LINC00305: variants seen among roughly 807,000 people sequenced by gnomAD.
LINC00305 encodes long intergenic non-protein coding RNA 305.
intron 1 of LINC00305, among the ~76,000 whole-genome samples, chr18:64,122,231 G>A (rs1211573279): frequency 6.6e-6 from 1 of 151,928 alleles, no homozygotes; most frequent in African/African-American, 2.4e-5. Flanking sequence ...TGGTGCTTTG[G>A]GGGTCTTAGT....
At chr18:64,087,266 T>C (rs1014651718) in intron 3 of LINC00305, among the ~76,000 whole-genome samples, 1 of 152,112 alleles carries the variant, frequency 6.6e-6, no homozygotes, top group African/African-American at 2.4e-5. Context: ...AGCTAAAAAA[T>C]GGGGTTTGAT....
At chr18:64,081,013 G>A (rs1230674161) in intron 3 of LINC00305, among the ~76,000 whole-genome samples, 1 of 152,120 alleles carries the variant, frequency 6.6e-6, no homozygotes, top group Non-Finnish European at 1.5e-5. Context: ...AATTATCTGT[G>A]TGTGTCTGTG....
intron 1 of LINC00305, among the ~76,000 whole-genome samples, chr18:64,109,897 G>T (rs973913737): frequency 5.3e-5 from 8 of 152,210 alleles, no homozygotes; most frequent in Non-Finnish European, 8.8e-5. Context: ...CCTGTGGGCC[G>T]CACGTGGCCC....
intron 1 of LINC00305, among the ~76,000 whole-genome samples, chr18:64,113,294 C>G (rs922777407): frequency 6.6e-6 from 1 of 152,148 alleles, no homozygotes; most frequent in Non-Finnish European, 1.5e-5. Flanking sequence ...AAATAAAAAC[C>G]TAGCAGATAA....
At chr18:64,120,543 G>A (rs1422559238) in intron 1 of LINC00305, among the ~76,000 whole-genome samples, 2 of 147,554 alleles carry the variant, frequency 1.4e-5, no homozygotes, top group South Asian at 2.1e-4. Context: ...TATTTGTTTT[G>A]GCGCTAACTT....
intron 1 of LINC00305, among the ~76,000 whole-genome samples, chr18:64,145,370 C>A (rs1436751830): frequency 6.6e-6 from 1 of 152,134 alleles, no homozygotes; most frequent in African/African-American, 2.4e-5. Flanking sequence ...CACTAACCTA[C>A]CCCCGCCCTG....
At chr18:64,126,501 A>T (rs1016356811) in intron 1 of LINC00305, among the ~76,000 whole-genome samples, 2 of 152,110 alleles carry the variant, frequency 1.3e-5, no homozygotes, top group African/African-American at 4.8e-5. Flanking sequence ...ATGCTGACCA[A>T]CATAGGCTCT....
At chr18:64,115,472 G>A (rs1435265484) in intron 1 of LINC00305, among the ~76,000 whole-genome samples, 1 of 152,152 alleles carries the variant, frequency 6.6e-6, no homozygotes, top group Admixed American at 6.5e-5. Context: ...ATTTGTGTGT[G>A]GGGAGGCTGC....
At chr18:64,083,540 T>C (rs1394571027) in intron 3 of LINC00305, among the ~76,000 whole-genome samples, 2 of 152,250 alleles carry the variant, frequency 1.3e-5, no homozygotes, top group Non-Finnish European at 2.9e-5. Flanking sequence ...ACAGCACTAA[T>C]AATCACACCA....
intron 1 of LINC00305, among the ~76,000 whole-genome samples, chr18:64,102,713 G>C (rs1400570): frequency 6.6e-6 from 1 of 152,034 alleles, no homozygotes; most frequent in South Asian, 2.1e-4. Flanking sequence ...TAGAATCATG[G>C]CGGAGGGCAA....
At chr18:64,121,512 A>G (rs1343712939) in intron 1 of LINC00305, among the ~76,000 whole-genome samples, 3 of 152,152 alleles carry the variant, frequency 2.0e-5, no homozygotes. Context: ...TTGTGCTGCA[A>G]AAAACATGAT....
chr18:64,121,036 C>A (rs983276344), intron 1 of LINC00305, among the ~76,000 whole-genome samples: 3 of 151,818 alleles, frequency 2.0e-5, no homozygotes, highest in Non-Finnish European at 4.4e-5. Flanking sequence ...ATAAAGAAAG[C>A]AATATTCTCT....
intron 3 of LINC00305, among the ~76,000 whole-genome samples, chr18:64,091,845 C>T (rs2051225943): frequency 1.3e-5 from 2 of 152,212 alleles, no homozygotes; most frequent in Admixed American, 1.3e-4. Flanking sequence ...AGGATGTAAA[C>T]ACACACCTAC....
Position 64,143,646 on chromosome 18 carries a change from CAT to C in LINC00305, n.314+5127_314+5128del, listed in dbSNP as rs1461362592. Among the ~76,000 whole-genome samples the C allele has an allele frequency of 4.0e-4, 55 of 138,002 alleles. 4 individuals are homozygous for C. The highest frequency in any genetic ancestry group is 1.4e-3 in the African/African-American group (48 of 33,338). The allele number at this position is 138,002 out of a possible 152,430, so 90.5% of individuals were successfully genotyped here. On this transcript the variant is annotated intron_variant and non_coding_transcript_variant, in intron 1 of 3. Transcript: ENST00000666468. ...TATGTATGTACACGTATTATGTATA[CAT>C]ATGTATGTACACGTATTATGTATAC...
chr18:64,102,348 C>T (rs1245983095), intron 1 of LINC00305, among the ~76,000 whole-genome samples: 3 of 152,082 alleles, frequency 2.0e-5, no homozygotes, highest in Non-Finnish European at 4.4e-5. Flanking sequence ...CCTACCTTTC[C>T]CTAGAGTTTC....
At chr18:64,093,704 A>G (rs901245020) in intron 3 of LINC00305, among the ~76,000 whole-genome samples, 1 of 152,180 alleles carries the variant, frequency 6.6e-6, no homozygotes, top group Non-Finnish European at 1.5e-5. Context: ...CTCATTTAAT[A>G]TATGTGTCAT....
intron 1 of LINC00305, among the ~76,000 whole-genome samples, chr18:64,112,087 G>C (rs118127429): frequency 1.3e-5 from 2 of 152,002 alleles, no homozygotes; most frequent in Non-Finnish European, 2.9e-5. Flanking sequence ...ATCAGCATGC[G>C]TGTGACAGTC....
At chr18:64,144,763 A>G (rs1460366486) in intron 1 of LINC00305, among the ~76,000 whole-genome samples, 2 of 152,164 alleles carry the variant, frequency 1.3e-5, no homozygotes, top group Non-Finnish European at 2.9e-5. Flanking sequence ...GGATTGTGTA[A>G]AGACAATGCC....
At chr18:64,095,044 A>T (rs909586788) in intron 3 of LINC00305, among the ~76,000 whole-genome samples, 6 of 152,250 alleles carry the variant, frequency 3.9e-5, no homozygotes, top group African/African-American at 1.4e-4. Flanking sequence ...GCCTTGACTG[A>T]TCATGGTTAT....
Sources: gnomAD v4.1 joint callset for allele counts (sites outside exome capture counted in the v4.1 genomes callset) on GRCh38, gnomAD v4.1.1 for gene constraint, MANE v1.5 for transcripts, NCBI Gene and HGNC (gene_info 2026-07-23, HGNC 2026-07-21) for gene names.